ITGAE: variants seen among roughly 807,000 people sequenced by gnomAD.
The protein encoded by ITGAE is integrin subunit alpha E.
ITGAE carries 99 observed loss-of-function variants against 136.5 expected under a neutral mutation model. That is an observed-to-expected ratio of 0.73 (90% confidence interval 0.62 to 0.86). The LOEUF (loss-of-function observed/expected upper bound fraction) is 0.86, where lower values mean the gene tolerates loss of function less well. Among genes scored for constraint, ITGAE ranks in the 40% least tolerant of loss-of-function variants. The pLI, the probability that ITGAE is intolerant of heterozygous loss-of-function variation, is 0.00. For synonymous variants in ITGAE, 613 were observed against 591.8 expected (o/e 1.04, Z -0.52); for missense variants, 1,447 against 1,515.3 (o/e 0.95, Z 0.75).
intron 26 of ITGAE, chr17:3,726,392 G>C: frequency 8.3e-7 from 1 of 1,199,912 alleles, no homozygotes; most frequent in Admixed American, 2.1e-5. Context: ...CTCTGGTGCT[G>C]TTTCAACCTC....
chr17:3,747,826 C>A, intron 17 of ITGAE, 96 bp downstream of exon 17: 1 of 218,206 alleles, frequency 4.6e-6, no homozygotes, highest in South Asian at 6.5e-5. Context: ...CAACACCCAC[C>A]CACCCCCCGC....
chr17:3,773,588 C>T (rs1254284763), intron 2 of ITGAE, among the ~76,000 whole-genome samples: 1 of 152,076 alleles, frequency 6.6e-6, no homozygotes, highest in Non-Finnish European at 1.5e-5. Context: ...CTTCCATGCC[C>T]TCTCGGGGGC....
intron 26 of ITGAE, chr17:3,725,997 T>C (rs369041749): frequency 1.2e-6 from 2 of 1,613,906 alleles, no homozygotes; most frequent in Non-Finnish European, 1.7e-6. Context: ...CATCATTGAC[T>C]ACACCCTGTC....
chr17:3,724,291 G>C (rs1171143756), intron 26 of ITGAE: 3 of 1,587,018 alleles, frequency 1.9e-6, no homozygotes, highest in Non-Finnish European at 2.6e-6. Flanking sequence ...CTGGGGCTGC[G>C]AGCTCGGCCC....
At chr17:3,772,514 A>G (rs2052450173) in intron 2 of ITGAE, among the ~76,000 whole-genome samples, 1 of 146,592 alleles carries the variant, frequency 6.8e-6, no homozygotes, top group Non-Finnish European at 1.5e-5. Flanking sequence ...CCCAGGCTGG[A>G]GTGCAGTGGC....
At chr17:3,715,122 G>A (rs1397969355) in intron 30 of ITGAE, among the ~76,000 whole-genome samples, 180 bp from the exon 31 acceptor site, 1 of 152,028 alleles carries the variant, frequency 6.6e-6, no homozygotes, top group African/African-American at 2.4e-5. Context: ...AAGACCTCTG[G>A]TGCTCATCCC....
At chr17:3,801,006 T>C (rs1000483120) in intron 1 of ITGAE, 105 bp downstream of exon 1, 2 of 1,334,302 alleles carry the variant, frequency 1.5e-6, no homozygotes, top group African/African-American at 1.4e-5. Flanking sequence ...CCTCTGGCTC[T>C]AACTGAGCCC....
At chr17:3,717,491 AGAAAGTTCAGGAGATGTCCTTCCT>A (rs2050965551) in intron 29 of ITGAE, 1 of 152,202 alleles carries the variant, frequency 6.6e-6, no homozygotes, top group South Asian at 2.1e-4. Context: ...GGGCTCAGCT[AGAAAGTTCAGGAGATGTCCTTCCT>A]GAGACCCAGG....
intron 19 of ITGAE, among the ~76,000 whole-genome samples, chr17:3,741,376 C>T (rs371212768): frequency 3.5e-4 from 53 of 151,996 alleles, no homozygotes; most frequent in East Asian, 3.5e-3. Context: ...CGTGAGCCCC[C>T]GCGCCCGGCC....
At chr17:3,761,551 C>T (rs746614765) in intron 4 of ITGAE, 31 bp from the exon 5 acceptor site, 1 of 1,569,806 alleles carries the variant, frequency 6.4e-7, no homozygotes, top group Admixed American at 1.8e-5. Flanking sequence ...TGGGGAAACA[C>T]CAGGTCACCT....
In ITGAE at chr17:3,757,042, G is replaced by A. The variant is rs1470891652; in HGVS notation, c.1113C>T (p.Asn371=). Residue 371 remains asparagine, a synonymous_variant, in exon 10 of 31, where the codon AAC becomes AAT. Coordinates refer to ENST00000263087, the MANE Select transcript of ITGAE (RefSeq NM_002208.5). ...PDETHAFKVT[N]YMALDGLLSK... is the part of the protein sequence containing the mutation. ...TCAGCAGCCCATCCAGCGCCATGTA[G>A]TTGGTCACCTTGAAAGCATGGGTCT... is the stretch of plus-strand genomic sequence containing the variant. 1.2e-6 allele frequency: 2 copies of A among 1,614,110 alleles called. No homozygotes were observed. The highest frequency in any genetic ancestry group is 1.3e-5 in the African/African-American group (1 of 74,946).
chr17:3,796,825 C>G (rs10468478), intron 1 of ITGAE, among the ~76,000 whole-genome samples: 1 of 152,054 alleles, frequency 6.6e-6, no homozygotes, highest in African/African-American at 2.4e-5. Flanking sequence ...ATAAGTACCA[C>G]GATTCCCAAT....
At chr17:3,757,559 G>T in intron 9 of ITGAE, 147 bp downstream of exon 9, 1 of 904,220 alleles carries the variant, frequency 1.1e-6, no homozygotes, top group Non-Finnish European at 1.7e-6. Context: ...TCTCTGGGAT[G>T]ACAGAGCATG....
chr17:3,717,013 T>C (rs2050956560), intron 29 of ITGAE: 1 of 469,652 alleles, frequency 2.1e-6, no homozygotes, highest in Non-Finnish European at 3.9e-6. Context: ...TAAGAAACTA[T>C]TCTGGCCCCT....
chr17:3,741,628 G>A (rs2051591029), intron 19 of ITGAE, among the ~76,000 whole-genome samples: 1 of 152,178 alleles, frequency 6.6e-6, no homozygotes, highest in African/African-American at 2.4e-5. Flanking sequence ...GAGATGTTAA[G>A]CAGGATACAA....
chr17:3,757,890 G>A (rs370668787), intron 8 of ITGAE, 31 bp from the exon 9 acceptor site: 2 of 1,611,802 alleles, frequency 1.2e-6, no homozygotes, highest in African/African-American at 1.3e-5. Flanking sequence ...GAAGAAGAGA[G>A]CTTTGCCAGA....
At chr17:3,800,420 C>T (rs2053225621) in intron 1 of ITGAE, among the ~76,000 whole-genome samples, 2 of 152,210 alleles carry the variant, frequency 1.3e-5, no homozygotes, top group African/African-American at 4.8e-5. Flanking sequence ...TGGCCTCCGG[C>T]TTAATCTTAG....
chr17:3,743,962 C>A (rs2051652430), intron 18 of ITGAE, among the ~76,000 whole-genome samples: 1 of 151,388 alleles, frequency 6.6e-6, no homozygotes, highest in Non-Finnish European at 1.5e-5. Flanking sequence ...CTCAGCCTCC[C>A]AAAATGCTGG....
chr17:3,780,388 C>G (rs946614712), intron 1 of ITGAE, among the ~76,000 whole-genome samples: 2 of 152,100 alleles, frequency 1.3e-5, no homozygotes, highest in African/African-American at 4.8e-5. Context: ...TGGTCTCGAT[C>G]TCCTGACCTC....
Sources: allele counts gnomAD v4.1 joint callset (sites outside exome capture counted in the v4.1 genomes callset), GRCh38; gene constraint gnomAD v4.1.1; transcripts MANE v1.5; gene names NCBI Gene and HGNC (gene_info 2026-07-23, HGNC 2026-07-21).